The following DLGAP1 variants were observed in gnomAD, a reference collection of about 807,000 sequenced individuals.
DLGAP1 encodes the protein disks large-associated protein 1.
In DLGAP1, 11 loss-of-function variants were observed where a neutral mutation model predicts 90.8. The observed-to-expected ratio is 0.12, with a 90% confidence interval of 0.08 to 0.20. The LOEUF (loss-of-function observed/expected upper bound fraction) is 0.20, where lower values mean the gene tolerates loss of function less well. Among genes scored for constraint, DLGAP1 ranks in the 10% least tolerant of loss-of-function variants. The pLI is 1.00. For synonymous variants in DLGAP1, 558 were observed against 540.7 expected (o/e 1.03, Z -0.44); for missense variants, 1,050 against 1,333.8 (o/e 0.79, Z 3.31).
intron 6 of DLGAP1, among the ~76,000 whole-genome samples, chr18:3,738,273 A>G (rs1055117148): frequency 1.3e-4 from 19 of 146,904 alleles, no homozygotes; most frequent in Non-Finnish European, 2.4e-4. Context: ...GGAAAAAACT[A>G]CTTTAAAGTT....
intron 1 of DLGAP1, among the ~76,000 whole-genome samples, chr18:4,196,674 T>C (rs1231703569): frequency 6.6e-6 from 1 of 152,232 alleles, no homozygotes; most frequent in African/African-American, 2.4e-5. Context: ...AGCTACTTTG[T>C]GCGGTGCATA....
chr18:3,959,254 T>C (rs1422019361), intron 3 of DLGAP1, among the ~76,000 whole-genome samples: 1 of 152,188 alleles, frequency 6.6e-6, no homozygotes, highest in East Asian at 1.9e-4. Context: ...TTTAAAGAGC[T>C]GTACCTGACC....
chr18:4,437,614 T>G (rs1048910982), intron 1 of DLGAP1, among the ~76,000 whole-genome samples: 1 of 152,246 alleles, frequency 6.6e-6, no homozygotes, highest in Admixed American at 6.5e-5. Flanking sequence ...TTTGAATATT[T>G]CCATTTGTGG....
Position 3,498,507 on chromosome 18 carries a change from G to A in DLGAP1, c.*678C>T, listed in dbSNP as rs1034141475. 1 of 152,166 alleles carries A rather than the reference G, an allele frequency of 6.6e-6. No individual in the cohort carries two copies. The highest frequency in any genetic ancestry group is 2.4e-5 in the African/African-American group (1 of 41,438). 9.4% of individuals were successfully genotyped at this position (152,166 alleles called of 1,614,324 possible). On this transcript the variant is annotated 3_prime_UTR_variant, in exon 13 of 13. Coordinates refer to ENST00000315677, the MANE Select transcript of DLGAP1 (RefSeq NM_004746.4). Reference sequence around the variant, plus strand: ...AAGCTGTGATTGATGAAGTAACAGTGAGGCAGTTTGTGCAGCTGTGAGTGT... The same window carrying A: ...AAGCTGTGATTGATGAAGTAACAGTAAGGCAGTTTGTGCAGCTGTGAGTGT...
At chr18:4,257,658 TCTGTCGCC>T (rs1260872737) in intron 1 of DLGAP1, among the ~76,000 whole-genome samples, 2 of 151,518 alleles carry the variant, frequency 1.3e-5, no homozygotes, top group African/African-American at 4.8e-5. Context: ...GGAGTGTCGC[TCTGTCGCC>T]CAGGCTGGAG....
intron 1 of DLGAP1, among the ~76,000 whole-genome samples, chr18:4,191,720 C>T (rs2077403688): frequency 6.6e-6 from 1 of 152,160 alleles, no homozygotes; most frequent in Admixed American, 6.6e-5. Context: ...TTCAATGTAA[C>T]TCCTTAGGGA....
At chr18:4,431,583 A>G (rs975849383) in intron 1 of DLGAP1, among the ~76,000 whole-genome samples, 5 of 152,342 alleles carry the variant, frequency 3.3e-5, no homozygotes, top group East Asian at 3.9e-4. Context: ...CTTTGAGGTG[A>G]AAAATATGCT....
intron 1 of DLGAP1, among the ~76,000 whole-genome samples, chr18:4,395,922 T>C (rs1352660835): frequency 6.6e-6 from 1 of 152,082 alleles, no homozygotes; most frequent in Non-Finnish European, 1.5e-5. Context: ...ATTCTGACAC[T>C]AGACCATGGG....
intron 2 of DLGAP1, among the ~76,000 whole-genome samples, chr18:4,032,224 G>A (rs1278271778): frequency 6.6e-6 from 1 of 152,120 alleles, no homozygotes; most frequent in Non-Finnish European, 1.5e-5. Flanking sequence ...CCTGATAATA[G>A]CTGCATCACC....
chr18:4,017,025 G>A (rs1348985833), intron 2 of DLGAP1, among the ~76,000 whole-genome samples: 1 of 152,174 alleles, frequency 6.6e-6, no homozygotes, highest in African/African-American at 2.4e-5. Context: ...AATATTTTCA[G>A]ATGAATAAGA....
intron 7 of DLGAP1, among the ~76,000 whole-genome samples, chr18:3,648,252 T>C (rs1352116273): frequency 6.6e-6 from 1 of 152,232 alleles, no homozygotes; most frequent in African/African-American, 2.4e-5. Context: ...TTTGGCCTTC[T>C]TCTCAGTGAA....
chr18:3,945,173 T>A (rs1409482350), intron 3 of DLGAP1, among the ~76,000 whole-genome samples: 2 of 152,170 alleles, frequency 1.3e-5, no homozygotes, highest in Non-Finnish European at 2.9e-5. Flanking sequence ...AATATTTCCA[T>A]CATCAGGTTG....
At chr18:3,693,954 A>G (rs2060991016) in intron 7 of DLGAP1, among the ~76,000 whole-genome samples, 1 of 152,104 alleles carries the variant, frequency 6.6e-6, no homozygotes, top group African/African-American at 2.4e-5. Context: ...ATAGGTATCC[A>G]TGTGCCATGG....
In DLGAP1 at chr18:3,800,141, T is replaced by C. The variant is rs80193985; in HGVS notation, c.1172+13918A>G. On this transcript the variant is annotated intron_variant, in intron 5 of 12. Coordinates refer to ENST00000315677, the MANE Select transcript of DLGAP1 (RefSeq NM_004746.4). ...GGTTTTATGATTATACTTTCCTATT[T>C]TGGTGGGTGGGAACATATTTTACTT... 5.4e-3 allele frequency among the ~76,000 whole-genome samples: 825 copies of C among 152,308 alleles called. 7 individuals carry two copies. Among genetic ancestry groups the C allele is most frequent in the African/African-American group, 0.019 (787 of 41,560 alleles).
chr18:3,787,918 C>T (rs2065536390), intron 5 of DLGAP1, among the ~76,000 whole-genome samples: 1 of 152,138 alleles, frequency 6.6e-6, no homozygotes, highest in Admixed American at 6.6e-5. Flanking sequence ...AAAAACAATT[C>T]CCTTTGGTTC....
intron 1 of DLGAP1, among the ~76,000 whole-genome samples, chr18:4,193,782 T>A (rs1257792089): frequency 6.6e-6 from 1 of 152,182 alleles, no homozygotes; most frequent in Non-Finnish European, 1.5e-5. Flanking sequence ...TTCTCTTCTA[T>A]ACTGGCACTT....
intron 1 of DLGAP1, among the ~76,000 whole-genome samples, chr18:4,351,755 A>T (rs1169033632): frequency 6.6e-6 from 1 of 152,180 alleles, no homozygotes; most frequent in Non-Finnish European, 1.5e-5. Context: ...TGGTGCTGCA[A>T]ATTGAATCAT....
At chr18:4,382,190 C>T (rs1346012753) in intron 1 of DLGAP1, among the ~76,000 whole-genome samples, 1 of 152,106 alleles carries the variant, frequency 6.6e-6, no homozygotes, top group Non-Finnish European at 1.5e-5. Context: ...TCACCCAGTA[C>T]AGCGGAATGG....
intron 1 of DLGAP1, among the ~76,000 whole-genome samples, chr18:4,171,039 G>A (rs2077015186): frequency 1.3e-5 from 2 of 151,844 alleles, no homozygotes; most frequent in Admixed American, 1.3e-4. Flanking sequence ...ATCATAAATA[G>A]GATATTATTC....
Sources: gnomAD v4.1 joint callset for allele counts (sites outside exome capture counted in the v4.1 genomes callset) on GRCh38, gnomAD v4.1.1 for gene constraint, MANE v1.5 for transcripts, NCBI Gene and HGNC (gene_info 2026-07-23, HGNC 2026-07-21) for gene names.